The following ANO1 variants were observed in gnomAD, a reference collection of about 807,000 sequenced individuals.
ANO1 encodes anoctamin-1.
In ANO1, 59 loss-of-function variants were observed where a neutral mutation model predicts 124.0. The observed-to-expected ratio is 0.48, with a 90% CI of 0.39 to 0.59. The LOEUF (loss-of-function observed/expected upper bound fraction) is 0.59. Among genes scored for constraint, ANO1 ranks in the 20% least tolerant of loss-of-function variants. The pLI is 0.00. For missense variants in ANO1, 1,059 were observed against 1,328.0 expected, an observed-to-expected ratio of 0.80 and a Z score of 3.15; for synonymous variants, 529 against 532.0, an observed-to-expected ratio of 0.99 and a Z score of 0.08.
chr11:70,024,591 C>G (rs1053620590), intron 1 of ANO1, among the ~76,000 whole-genome samples: 4 of 152,170 alleles, frequency 2.6e-5, no homozygotes, highest in Admixed American at 1.3e-4. Flanking sequence ...CCTTGCAATA[C>G]CCCTGGGAAG....
intron 1 of ANO1, among the ~76,000 whole-genome samples, chr11:70,043,227 G>T (rs1228374907): frequency 6.6e-6 from 1 of 152,098 alleles, no homozygotes; most frequent in Non-Finnish European, 1.5e-5. Context: ...AACAGATAGG[G>T]TACGGCAGAA....
chr11:70,133,334 C>G (rs2135532278), intron 11 of ANO1, among the ~76,000 whole-genome samples: 1 of 152,334 alleles, frequency 6.6e-6, no homozygotes, highest in African/African-American at 2.4e-5. Context: ...CTGGCATTGC[C>G]AAAGCCTTGC....
At position 70,095,283 on chromosome 11, in the gene ANO1, G is replaced by GGAAGGAAGGAAGGAAA. The variant is rs1555017313; in HGVS notation, c.441+7214_441+7215insAGAAGGAAGGAAGGAA. Reference sequence around the variant, plus strand: ...AGGAAGGAAGGAAGGAAGGAAGGAAGGAAGGAAGGAAGGAAGGAAAGAAAG... The same window carrying GGAAGGAAGGAAGGAAA: ...AGGAAGGAAGGAAGGAAGGAAGGAAGGAAGGAAGGAAGGAAAGAAGGAAGGAAGGAAGGAAAGAAAG... On this transcript the variant is annotated intron_variant, in intron 2 of 25. Transcript: ENST00000355303. 1.7e-3 allele frequency among the ~76,000 whole-genome samples: 143 copies of GGAAGGAAGGAAGGAAA among 84,096 alleles called. 12 individuals are homozygous for GGAAGGAAGGAAGGAAA. The highest frequency in any genetic ancestry group is 7.5e-3 in the African/African-American group (128 of 17,174). 55.2% of individuals were successfully genotyped at this position (84,096 alleles called of 152,430 possible).
chr11:70,099,476 T>C lies in ANO1; in HGVS notation c.442-3590T>C, dbSNP rs536233019. Reference sequence around the variant, plus strand: ...GAGGAATATATTTTGGGTCTTTGCATGTGAGTGAGCAGAGCCCAGAAATAA... The same window carrying C: ...GAGGAATATATTTTGGGTCTTTGCACGTGAGTGAGCAGAGCCCAGAAATAA... On this transcript the variant is annotated intron_variant, in intron 2 of 25. Coordinates refer to ENST00000355303, the MANE Select transcript of ANO1 (RefSeq NM_018043.7). Among the ~76,000 whole-genome samples the C allele has an allele frequency of 3.3e-5, 5 of 152,252 alleles. No individual in the cohort carries two copies. The East Asian group carries it at 9.7e-4, about 29-fold the overall frequency.
chr11:70,117,431 C>T (rs756478238), intron 8 of ANO1, among the ~76,000 whole-genome samples: 2 of 152,106 alleles, frequency 1.3e-5, no homozygotes, highest in African/African-American at 4.8e-5. Context: ...CGTTGGTCCC[C>T]ACCCTCTACC....
chr11:70,026,953 C>T (rs182179892), intron 1 of ANO1, among the ~76,000 whole-genome samples: 1 of 152,300 alleles, frequency 6.6e-6, no homozygotes, highest in Non-Finnish European at 1.5e-5. Context: ...CTGCCTCTTC[C>T]TGGGACACTT....
chr11:70,110,671 A>C (rs193028733), intron 6 of ANO1, among the ~76,000 whole-genome samples: 79 of 152,184 alleles, frequency 5.2e-4, no homozygotes, highest in African/African-American at 1.7e-3. Flanking sequence ...GTGGAGTCTC[A>C]GAGGGTGGTC....
chr11:70,120,560 T>TCATTCATCCATC (rs1378823036), intron 8 of ANO1, among the ~76,000 whole-genome samples: 2 of 152,082 alleles, frequency 1.3e-5, no homozygotes, highest in African/African-American at 2.4e-5. Flanking sequence ...GCCCAACATG[T>TCATTCATCCATC]CATTCATCCA....
chr11:70,040,485 T>C (rs1555004919), intron 1 of ANO1, among the ~76,000 whole-genome samples: 1 of 152,206 alleles, frequency 6.6e-6, no homozygotes, highest in Non-Finnish European at 1.5e-5. Context: ...GAGAGTGGCC[T>C]GGCCAACATA....
chr11:70,065,631 G>C (rs894104829), intron 1 of ANO1, among the ~76,000 whole-genome samples: 3 of 149,122 alleles, frequency 2.0e-5, no homozygotes, highest in Admixed American at 6.7e-5. Context: ...CTTGTCCCCC[G>C]TCGTCCCCCT....
chr11:70,167,403 G>T lies in ANO1; in HGVS notation c.2197+16G>T. The T allele has an allele frequency of 6.2e-7, 1 of 1,604,954 alleles. No individual in the cohort carries two copies. The highest frequency in any genetic ancestry group is 1.1e-5 in the South Asian group (1 of 89,606). On this transcript the variant is annotated intron_variant, in intron 21 of 25. Transcript: ENST00000355303. ...ATGGAAATGAGTGAGTGATGGCCGG[G>T]GCAGGCAGGTGACATCAGGATAGAA...
intron 2 of ANO1, 148 bp downstream of exon 2, chr11:70,088,232 C>G: frequency 1.6e-6 from 1 of 627,592 alleles, no homozygotes; most frequent in Non-Finnish European, 2.5e-6. Flanking sequence ...GGCAGACGGG[C>G]CAGACGCAGT....
Position 70,008,417 on chromosome 11 carries a change from G to A in ANO1, c.58+22251G>A, listed in dbSNP as rs1237936274. ...TTTAATCCATTTTGAGTTCACTTTT[G>A]TATATGGCGTAAGGTAAGGATCCAG... On this transcript the variant is annotated intron_variant, in intron 1 of 27. Transcript: ENST00000531349. Among the ~76,000 whole-genome samples, 3 of 152,158 alleles carry A rather than the reference G, an allele frequency of 2.0e-5. No individual in the cohort carries two copies. In the East Asian group the frequency reaches 5.8e-4, roughly 29 times the overall value.
intron 1 of ANO1, among the ~76,000 whole-genome samples, chr11:70,085,141 C>T (rs1294637063): frequency 6.6e-6 from 1 of 152,198 alleles, no homozygotes; most frequent in Non-Finnish European, 1.5e-5. Flanking sequence ...TGCTGGGCCT[C>T]AGTTTCCTCC....
intron 1 of ANO1, among the ~76,000 whole-genome samples, chr11:70,063,165 G>A (rs1421821054): frequency 2.0e-5 from 3 of 152,030 alleles, no homozygotes; most frequent in Admixed American, 6.6e-5. Context: ...TCCTGACCTC[G>A]TGATCCACCT....
chr11:70,024,195 C>A (rs1856852752), intron 1 of ANO1, among the ~76,000 whole-genome samples: 1 of 152,156 alleles, frequency 6.6e-6, no homozygotes, highest in African/African-American at 2.4e-5. Flanking sequence ...CAGCAGGGAG[C>A]CCAAGGCTAT....
At chr11:70,148,184 C>T (rs914763036) in intron 11 of ANO1, among the ~76,000 whole-genome samples, 3 of 152,162 alleles carry the variant, frequency 2.0e-5, no homozygotes, top group East Asian at 1.9e-4. Flanking sequence ...TCACTCTGCA[C>T]GGTCACCGTC....
rs548012147 is a variant in ANO1, at chr11:70,157,979, CAA to C, written c.1578+980_1578+981del. On this transcript the variant is annotated intron_variant, in intron 16 of 25. Coordinates refer to ENST00000355303, the MANE Select transcript of ANO1 (RefSeq NM_018043.7). ...TGGGTGACAGAGCGAGACCCTGTCT[CAA>C]AAAAAAAAAAAAAAAAAAAAACCTG... Among the ~76,000 whole-genome samples the C allele has an allele frequency of 8.4e-3, 622 of 74,212 alleles. 2 individuals are homozygous for C. The highest frequency in any genetic ancestry group is 0.025 in the African/African-American group (455 of 18,504). 48.7% of individuals were successfully genotyped at this position (74,212 alleles called of 152,430 possible). A position where few individuals can be genotyped will look rare whatever the true frequency, so the allele number is the denominator to read the frequency against.
intron 1 of ANO1, among the ~76,000 whole-genome samples, chr11:70,066,573 A>T (rs781426680): frequency 4.0e-4 from 55 of 137,172 alleles, no homozygotes; most frequent in Non-Finnish European, 5.4e-4. Flanking sequence ...CATTTGCCAA[A>T]TGTCTGCAAT....
Sources: gnomAD v4.1 joint callset for allele counts (sites outside exome capture counted in the v4.1 genomes callset) on GRCh38, gnomAD v4.1.1 for gene constraint, MANE v1.5 for transcripts, NCBI Gene and HGNC (gene_info 2026-07-23, HGNC 2026-07-21) for gene names.